The following CC2D1A variants were observed in gnomAD, a reference collection of about 807,000 sequenced individuals.
CC2D1A encodes coiled-coil and C2 domain containing 1A, also known as coiled-coil and C2 domain-containing protein 1A.
A neutral mutation model predicts 123.8 loss-of-function variants in CC2D1A; 68 were observed. That is an observed-to-expected ratio of 0.55 (90% CI 0.45 to 0.67). The LOEUF is 0.67. CC2D1A is among the 30% of genes least tolerant of loss of function. CC2D1A has a pLI of 0.00. For synonymous variants in CC2D1A, 477 were observed against 528.0 expected (o/e 0.90, Z 1.32); for missense variants, 1,185 against 1,290.3 (o/e 0.92, Z 1.25).
At position 13,928,144 on chromosome 19, in the gene CC2D1A, G is replaced by A. The variant is rs971152161; in HGVS notation, c.2475G>A (p.Gly825=). 2.4e-5 allele frequency: 38 copies of A among 1,613,518 alleles called. No individual in the cohort carries two copies. Among genetic ancestry groups the A allele is most frequent in the Non-Finnish European group, 3.1e-5 (37 of 1,179,966 alleles). Residue 825 remains glycine, a synonymous_variant, in exon 24 of 29, where the codon GGG becomes GGA. Coordinates refer to ENST00000318003, the MANE Select transcript of CC2D1A (RefSeq NM_017721.5). ...AVPTQVAGPK[G]KAPPVPAPAR... ...TGAAGCAGGTTGCTGGGCCCAAAGG[G>A]AAGGCCCCTCCTGTGCCTGCCCCTG...
chr19:13,908,964 T>C (rs1970893176), intron 1 of CC2D1A, among the ~76,000 whole-genome samples: 1 of 151,992 alleles, frequency 6.6e-6, no homozygotes, highest in African/African-American at 2.4e-5. Context: ...CTTTACTCTG[T>C]TGCCCAGGCG....
At position 13,906,496 on chromosome 19, in the gene CC2D1A, C is replaced by A; in HGVS notation, c.55C>A (p.Arg19Ser). The A allele has an allele frequency of 1.3e-6, 2 of 1,492,416 alleles. No homozygotes were observed. Among genetic ancestry groups the A allele is most frequent in the South Asian group, 2.5e-5 (2 of 79,444 alleles). The allele number at this position is 1,492,416 out of a possible 1,614,324, so 92.4% of individuals were successfully genotyped here. The stretch of plus-strand genomic sequence containing the variant: ...CCCGGGCAGAGGCGCCGCGGCCGCC[C>A]GCCAGGTGAGTTTGCGCCCCACGGC... Reference protein sequence around the residue: ...GPPGRGAAAARQLGLLVDLSP... With the variant: ...GPPGRGAAAASQLGLLVDLSP... The change falls in exon 1 of 29, where the codon CGC (arginine) becomes AGC (serine). Residue 19 changes from arginine (R) to serine (S), a missense_variant. Transcript: ENST00000318003. This position sits in a 1 kb window ranked among gnomAD's most constrained non-coding sequence, Gnocchi z 4.1.
chr19:13,913,133 G>T, intron 4 of CC2D1A, 35 bp from the exon 5 acceptor site: 1 of 1,557,166 alleles, frequency 6.4e-7, no homozygotes, highest in Non-Finnish European at 8.7e-7. Flanking sequence ...CCCAAGTGGG[G>T]TCACCACCCA....
chr19:13,930,431 C>A lies in CC2D1A; in HGVS notation c.*36C>A. 6.4e-7 allele frequency: 1 copy of A among 1,573,492 alleles called. No individual in the cohort carries two copies. Among genetic ancestry groups the A allele is most frequent in the Non-Finnish European group, 8.6e-7 (1 of 1,161,828 alleles). ...GGGCGGGCAGCCCCCAGAAAGCGGG[C>A]AGCAGGCCCCGATACCGGGAAGAGC... On this transcript the variant is annotated 3_prime_UTR_variant, in exon 29 of 29. Transcript: ENST00000318003. The surrounding 1 kb of genome is among the most constrained non-coding windows in gnomAD (Gnocchi z 6.8).
intron 17 of CC2D1A, among the ~76,000 whole-genome samples, chr19:13,926,303 C>T (rs1053473422): frequency 6.6e-6 from 1 of 151,982 alleles, no homozygotes; most frequent in Non-Finnish European, 1.5e-5. Context: ...TATACACAGA[C>T]TGAAGAAAAG....
At chr19:13,928,411 T>A (rs1971733744) in intron 24 of CC2D1A, among the ~76,000 whole-genome samples, 1 of 152,096 alleles carries the variant, frequency 6.6e-6, no homozygotes, top group South Asian at 2.1e-4. Context: ...TCTCTCTCCC[T>A]ACTCCCTCCT....
intron 1 of CC2D1A, among the ~76,000 whole-genome samples, chr19:13,907,759 C>T (rs1970827411): frequency 6.6e-6 from 1 of 151,640 alleles, no homozygotes; most frequent in African/African-American, 2.4e-5. Flanking sequence ...CATTACAGGA[C>T]AGTTGTAGAG....
chr19:13,907,596 C>A (rs939011223), intron 1 of CC2D1A, among the ~76,000 whole-genome samples: 1 of 151,780 alleles, frequency 6.6e-6, no homozygotes, highest in Non-Finnish European at 1.5e-5. Flanking sequence ...TCGCTTGAAC[C>A]GAGAGGCGGA....
rs1970750504 is a variant in CC2D1A at position 13,906,634 on chromosome 19, G to A, written c.60+133G>A. The A allele has an allele frequency of 1.8e-6, 1 of 552,922 alleles. No individual in the cohort carries two copies. Among genetic ancestry groups the A allele is most frequent in the African/African-American group, 2.0e-5 (1 of 49,906 alleles). The allele number at this position is 552,922 out of a possible 1,614,324, so 34.3% of individuals were successfully genotyped here. On this transcript the variant is annotated intron_variant, in intron 1 of 28. Transcript: ENST00000318003. The surrounding 1 kb of genome is among the most constrained non-coding windows in gnomAD (Gnocchi z 4.1). Reference sequence around the variant, plus strand: ...AGCCCCGGTCCCCGCCTCCCCCCAGGTGAGGCTCCAACACCACCCAAGTGT... The same window carrying A: ...AGCCCCGGTCCCCGCCTCCCCCCAGATGAGGCTCCAACACCACCCAAGTGT...
chr19:13,911,423 G>C (rs1300706972), intron 2 of CC2D1A, among the ~76,000 whole-genome samples: 1 of 152,138 alleles, frequency 6.6e-6, no homozygotes, highest in African/African-American at 2.4e-5. Context: ...AGGAGGAACT[G>C]TTGTCATCCC....
intron 6 of CC2D1A, among the ~76,000 whole-genome samples, chr19:13,914,390 A>T (rs1296370993): frequency 6.7e-6 from 1 of 149,526 alleles, no homozygotes; most frequent in African/African-American, 2.5e-5. Context: ...GCTGGAGTGC[A>T]GTGGTGCGAT....
intron 22 of CC2D1A, chr19:13,927,582 T>G (rs1971688948): frequency 2.2e-6 from 1 of 454,554 alleles, no homozygotes; most frequent in Admixed American, 3.4e-5. Flanking sequence ...ATCGAGACCA[T>G]CCTGGCTAAC....
In CC2D1A at chr19:13,923,735, A is replaced by G. The variant is rs767623659; in HGVS notation, c.1864A>G (p.Ile622Val). 1.9e-6 allele frequency: 3 copies of G among 1,614,166 alleles called. No homozygotes were observed. The highest frequency in any genetic ancestry group is 2.5e-6 in the Non-Finnish European group (3 of 1,179,998). ...GGAGGACTGTAAGCGGAGCATGGAC[A>G]TTCTGAAGCAAGCCTTCGTCCGGGG... ...LAEDCKRSMD[I>V]LKQAFVRGLP... The change falls in exon 17 of 29, where the codon ATT becomes GTT. Residue 622 changes from isoleucine (I) to valine (V), a missense_variant. Physicochemically the swap from Ile to Val is conservative, Grantham distance 29. Transcript: ENST00000318003. The surrounding 1 kb of genome is among the most constrained non-coding windows in gnomAD (Gnocchi z 5.3).
In CC2D1A at chr19:13,918,147, C is replaced by G; in HGVS notation, c.826C>G (p.Gln276Glu). The G allele has an allele frequency of 6.2e-7, 1 of 1,609,682 alleles. No homozygotes were observed. Among genetic ancestry groups the G allele is most frequent in the Non-Finnish European group, 8.5e-7 (1 of 1,178,994 alleles). ...CAAGCTGGCTGCCCTCCACGCCAAGCAGCAGGGAGATACCACTGCTGCCGC... is the reference window on the plus strand; with the variant it reads ...CAAGCTGGCTGCCCTCCACGCCAAGGAGCAGGGAGATACCACTGCTGCCGC... ...DYKLAALHAK[Q>E]QGDTTAAARH... The change falls in exon 7 of 29, where the codon CAG becomes GAG. Residue 276 changes from glutamine to glutamate, a missense_variant. Physicochemically the swap from Gln to Glu is conservative, Grantham distance 29. Transcript: ENST00000318003.
chr19:13,927,159 A>T lies in CC2D1A; in HGVS notation c.2226-16A>T, dbSNP rs368762232. The T allele has an allele frequency of 1.2e-5, 19 of 1,612,908 alleles. No homozygotes were observed. In the African/African-American group the frequency reaches 2.0e-4, roughly 17 times the overall value. Reference sequence around the variant, plus strand: ...GAACCAACCATCCTGTCCCCACTATACACACATGCACACAGGGGGCTGTTC... The same window carrying T: ...GAACCAACCATCCTGTCCCCACTATTCACACATGCACACAGGGGGCTGTTC... On this transcript the variant is annotated splice_polypyrimidine_tract_variant and intron_variant, in intron 21 of 28. Transcript: ENST00000318003.
In CC2D1A at chr19:13,923,405, G is replaced by A. The variant is rs1971478414; in HGVS notation, c.1714G>A (p.Ala572Thr). Residue 572 changes from alanine to threonine, a missense_variant, in exon 15 of 29, where the codon GCC becomes ACC. Transcript: ENST00000318003. The surrounding 1 kb of genome is among the most constrained non-coding windows in gnomAD (Gnocchi z 5.3). ...GCCTGGCCCGGGTCTGTCTCAGGAG[G>A]CCGCCCGGCGCTATGGTGAACTCAC... ...QRPGPGLSQE[A>T]ARRYGELTKL... 1.9e-6 allele frequency: 3 copies of A among 1,613,386 alleles called. No homozygotes were observed. Among genetic ancestry groups the A allele is most frequent in the East Asian group, 4.5e-5 (2 of 44,880 alleles).
At position 13,930,070 on chromosome 19, in the gene CC2D1A, A is replaced by C. The variant is rs373842779; in HGVS notation, c.2711-8A>C. On this transcript the variant is annotated splice_polypyrimidine_tract_variant and splice_region_variant and intron_variant, in intron 26 of 28. Transcript: ENST00000318003. The surrounding 1 kb of genome is among the most constrained non-coding windows in gnomAD (Gnocchi z 6.8). The stretch of plus-strand genomic sequence containing the variant: ...CTAAGCCTCCATTCCCCCGCCATCC[A>C]TTCTCAGAATACGCAGCCCAGCTGG... 120 of 1,612,312 alleles carry C rather than the reference A, an allele frequency of 7.4e-5. No individual in the cohort carries two copies. Among genetic ancestry groups the C allele is most frequent in the Non-Finnish European group, 9.9e-5 (117 of 1,179,428 alleles).
intron 14 of CC2D1A, among the ~76,000 whole-genome samples, chr19:13,922,336 C>G (rs116644128): frequency 0.012 from 1,859 of 152,254 alleles, 50 homozygotes; most frequent in African/African-American, 0.041. Context: ...CTCGCTCACT[C>G]TTCCCCTTGC....
intron 6 of CC2D1A, among the ~76,000 whole-genome samples, chr19:13,917,866 G>A (rs1454171699): frequency 6.6e-6 from 1 of 152,100 alleles, no homozygotes; most frequent in East Asian, 1.9e-4. Context: ...AGCTACTCAG[G>A]AGGCTGAGGC....
Sources: allele counts gnomAD v4.1 joint callset (sites outside exome capture counted in the v4.1 genomes callset), GRCh38; gene constraint gnomAD v4.1.1; non-coding constraint Gnocchi (gnomAD v3.1); transcripts MANE v1.5; gene names NCBI Gene and HGNC (gene_info 2026-07-23, HGNC 2026-07-21).